Variants in FAM171A1 observed in about 807,000 individuals in gnomAD.
FAM171A1 encodes family with sequence similarity 171 member A1.
In FAM171A1, 23 loss-of-function variants were observed where a neutral mutation model predicts 74.9. The ratio of observed to expected loss-of-function variants is 0.31; its 90% CI spans 0.22 to 0.44. FAM171A1 has a LOEUF of 0.44. Among genes scored for constraint, FAM171A1 ranks in the 20% least tolerant of loss-of-function variants. The pLI is 1.00. For synonymous variants in FAM171A1, 527 were observed against 505.7 expected (o/e 1.04, Z -0.57); for missense variants, 1,162 against 1,159.2 (o/e 1.00, Z -0.03).
At chr10:15,257,204 C>T (rs1834591547) in intron 3 of FAM171A1, among the ~76,000 whole-genome samples, 1 of 152,118 alleles carries the variant, frequency 6.6e-6, no homozygotes, top group African/African-American at 2.4e-5. Flanking sequence ...GATCCCAGAG[C>T]AGGGAAGGAA....
chr10:15,234,618 CTGAT>C (rs1834256788), intron 5 of FAM171A1, among the ~76,000 whole-genome samples: 1 of 151,686 alleles, frequency 6.6e-6, no homozygotes, highest in South Asian at 2.1e-4. Context: ...AGCGACCAGT[CTGAT>C]TGGCTGCAGG....
chr10:15,307,473 C>T (rs370298835), intron 1 of FAM171A1, among the ~76,000 whole-genome samples: 13 of 151,728 alleles, frequency 8.6e-5, no homozygotes, highest in East Asian at 3.9e-4. Flanking sequence ...GGTGAAACAT[C>T]GTCTCTACTA....
chr10:15,215,916 T>A, intron 7 of FAM171A1, 80 bp downstream of exon 7: 2 of 810,606 alleles, frequency 2.5e-6, no homozygotes, highest in Non-Finnish European at 3.7e-6. Flanking sequence ...AAAACCCACC[T>A]CCATATTAAT....
chr10:15,303,456 G>A (rs540947446), intron 1 of FAM171A1, among the ~76,000 whole-genome samples: 1 of 152,200 alleles, frequency 6.6e-6, no homozygotes, highest in South Asian at 2.1e-4. Context: ...TTCTTAGTTC[G>A]TGTCAAATGG....
intron 1 of FAM171A1, among the ~76,000 whole-genome samples, chr10:15,287,694 C>T (rs1835054504): frequency 6.6e-6 from 1 of 152,134 alleles, no homozygotes; most frequent in Admixed American, 6.6e-5. Context: ...TTCCCCCACA[C>T]ACATTTTCTT....
chr10:15,275,683 A>G (rs1834884187), intron 3 of FAM171A1, among the ~76,000 whole-genome samples, 172 bp downstream of exon 3: 1 of 152,186 alleles, frequency 6.6e-6, no homozygotes, highest in African/African-American at 2.4e-5. Flanking sequence ...ATGTCTCACT[A>G]TAAAAAATGT....
intron 2 of FAM171A1, among the ~76,000 whole-genome samples, chr10:15,278,064 C>T (rs1317649981): frequency 6.6e-6 from 1 of 152,154 alleles, no homozygotes; most frequent in Non-Finnish European, 1.5e-5. Flanking sequence ...GTAAGCAGTG[C>T]TGGCTCTTAG....
At chr10:15,322,208 T>C (rs117777753) in intron 1 of FAM171A1, among the ~76,000 whole-genome samples, 2 of 152,322 alleles carry the variant, frequency 1.3e-5, no homozygotes, top group Non-Finnish European at 2.9e-5. Flanking sequence ...AATGGACAAA[T>C]AATGCGTTGC....
Position 15,280,937 on chromosome 10 carries a change from C to T in FAM171A1, c.325+2941G>A, listed in dbSNP as rs116842774. ...AAGAGCATAACATGGTTTGGATCTG[C>T]GTCCCTGCCCAAATCTCACGTCGAA... On this transcript the variant is annotated intron_variant, in intron 2 of 7. Transcript: ENST00000378116. 4.7e-3 allele frequency among the ~76,000 whole-genome samples: 713 copies of T among 152,316 alleles called. 4 individuals carry two copies. Among genetic ancestry groups the T allele is most frequent in the Non-Finnish European group, 7.0e-3 (474 of 68,024 alleles).
intron 1 of FAM171A1, among the ~76,000 whole-genome samples, chr10:15,343,777 C>T (rs1835791160): frequency 6.6e-6 from 1 of 152,002 alleles, no homozygotes; most frequent in East Asian, 1.9e-4. Context: ...GAACCTGGGC[C>T]CTCCAGCCTG....
intron 1 of FAM171A1, among the ~76,000 whole-genome samples, chr10:15,324,637 C>T (rs774229524): frequency 2.0e-5 from 3 of 152,022 alleles, no homozygotes; most frequent in Admixed American, 6.6e-5. Context: ...ACACTGCACA[C>T]GTCTAACCAA....
chr10:15,225,479 T>A (rs1165534963), intron 5 of FAM171A1, among the ~76,000 whole-genome samples: 1 of 152,170 alleles, frequency 6.6e-6, no homozygotes. Flanking sequence ...TTTCCGTGTT[T>A]TGTGGGAGGA....
At chr10:15,291,377 A>G (rs537131867) in intron 1 of FAM171A1, among the ~76,000 whole-genome samples, 2 of 152,326 alleles carry the variant, frequency 1.3e-5, no homozygotes, top group South Asian at 4.1e-4. Context: ...ACTTGTTTAA[A>G]TTAATTAAAA....
chr10:15,271,258 T>C (rs1472191138), intron 3 of FAM171A1, among the ~76,000 whole-genome samples: 1 of 152,058 alleles, frequency 6.6e-6, no homozygotes, highest in Non-Finnish European at 1.5e-5. Context: ...CAGTAGCAGA[T>C]TCAATCAAGT....
At chr10:15,362,887 T>A (rs1282884250) in intron 1 of FAM171A1, among the ~76,000 whole-genome samples, 1 of 152,242 alleles carries the variant, frequency 6.6e-6, no homozygotes, top group Non-Finnish European at 1.5e-5. Context: ...TTTTTCCACT[T>A]ATTTTCCAAT....
At chr10:15,264,201 G>C (rs1013453690) in intron 3 of FAM171A1, among the ~76,000 whole-genome samples, 2 of 152,090 alleles carry the variant, frequency 1.3e-5, no homozygotes, top group African/African-American at 4.8e-5. Context: ...GAACTCCTGG[G>C]CTCAAGTGAT....
Position 15,213,792 on chromosome 10 carries a change from T to C in FAM171A1, c.1796A>G (p.Gln599Arg). The C allele has an allele frequency of 6.2e-7, 1 of 1,614,154 alleles. No individual in the cohort carries two copies. The highest frequency in any genetic ancestry group is 8.5e-7 in the Non-Finnish European group (1 of 1,180,030). Reference protein sequence around the residue: ...KLPGDHSYVSQPLVVPADQQL... With the variant: ...KLPGDHSYVSRPLVVPADQQL... ...CTGATCAGCCGGGACGACGAGGGGC[T>C]GGCTGACATAGGAGTGGTCCCCGGG... is the stretch of plus-strand genomic sequence containing the variant. Residue 599 changes from glutamine to arginine, a missense_variant, in exon 8 of 8, where the codon CAG becomes CGG. Coordinates refer to ENST00000378116, the MANE Select transcript of FAM171A1 (RefSeq NM_001010924.2). The surrounding 1 kb of genome is among the most constrained non-coding windows in gnomAD (Gnocchi z 6.8).
At chr10:15,290,894 C>T (rs576088549) in intron 1 of FAM171A1, among the ~76,000 whole-genome samples, 6 of 152,200 alleles carry the variant, frequency 3.9e-5, no homozygotes, top group African/African-American at 1.2e-4. Context: ...ACCCATGTAC[C>T]GCCGTTTTGT....
intron 1 of FAM171A1, among the ~76,000 whole-genome samples, chr10:15,352,080 A>C (rs1373391250): frequency 7.0e-6 from 1 of 142,574 alleles, no homozygotes; most frequent in African/African-American, 2.6e-5. Context: ...TAAAAATACA[A>C]AAAAAAAAAA....
Sources: allele counts gnomAD v4.1 joint callset (sites outside exome capture counted in the v4.1 genomes callset), GRCh38; gene constraint gnomAD v4.1.1; non-coding constraint Gnocchi (gnomAD v3.1); transcripts MANE v1.5; gene names NCBI Gene and HGNC (gene_info 2026-07-23, HGNC 2026-07-21).